Variants in NTNG2 observed in about 807,000 individuals in gnomAD.
NTNG2 encodes netrin G2.
Under a neutral mutation model 47.6 loss-of-function variants are expected in NTNG2, and 15 were observed. That is an observed-to-expected ratio of 0.32 (90% CI 0.21 to 0.49). The LOEUF (loss-of-function observed/expected upper bound fraction) is 0.49. NTNG2 is among the 20% of genes least tolerant of loss of function. The probability of loss-of-function intolerance (pLI) is 0.99; values close to 1 mark genes in which losing one functional copy is unlikely to be tolerated. For missense variants in NTNG2, 578 were observed against 764.6 expected, an observed-to-expected ratio of 0.76 and a Z score of 2.88; for synonymous variants, 307 against 324.6, an observed-to-expected ratio of 0.95 and a Z score of 0.58.
rs1238046147 is a variant in NTNG2 at position 132,226,844 on chromosome 9, C to T, written c.858-5C>T. The T allele has an allele frequency of 5.6e-6, 9 of 1,596,630 alleles. No individual in the cohort carries two copies. Among genetic ancestry groups the T allele is most frequent in the Non-Finnish European group, 6.0e-6 (7 of 1,171,298 alleles). ...GACATCTCTGCCCTCTCGGTGTCTC[C>T]CCAGGTGCAAGTGCAACCTGCACGC... On this transcript the variant is annotated splice_polypyrimidine_tract_variant and splice_region_variant and intron_variant, in intron 3 of 7. Coordinates refer to ENST00000393229, the MANE Select transcript of NTNG2 (RefSeq NM_032536.4). This position sits in a 1 kb window ranked among gnomAD's most constrained non-coding sequence, Gnocchi z 4.8.
Position 132,204,359 on chromosome 9 carries a change from G to C in NTNG2, c.857+5750G>C, listed in dbSNP as rs190355871. Among the ~76,000 whole-genome samples, 832 of 152,132 alleles carry C rather than the reference G, an allele frequency of 5.5e-3. 9 individuals carry two copies. Among genetic ancestry groups the C allele is most frequent in the African/African-American group, 0.019 (796 of 41,488 alleles). On this transcript the variant is annotated intron_variant, in intron 3 of 7. Coordinates refer to ENST00000393229, the MANE Select transcript of NTNG2 (RefSeq NM_032536.4). ...TGCCTTCTTGTTTTCTTCCATAAAC[G>C]TCCTGTCCCTATTGATCGCCCCGTA...
Position 132,163,629 on chromosome 9 carries a change from TC to T in NTNG2, c.-484+1396del, listed in dbSNP as rs1213017780. 6.6e-6 allele frequency among the ~76,000 whole-genome samples: 1 copy of T among 150,886 alleles called. No homozygotes were observed. Among genetic ancestry groups the T allele is most frequent in the African/African-American group, 2.4e-5 (1 of 40,952 alleles). On this transcript the variant is annotated intron_variant, in intron 1 of 7. Coordinates refer to ENST00000393229, the MANE Select transcript of NTNG2 (RefSeq NM_032536.4). The surrounding 1 kb of genome is among the most constrained non-coding windows in gnomAD (Gnocchi z 7.2). Reference sequence around the variant, plus strand: ...AGGGAACCCCGGGGTGGGCTGAGTATCCCCCCTAGCCCCGGGAGCCCCCAGC... The same window carrying T: ...AGGGAACCCCGGGGTGGGCTGAGTATCCCCCTAGCCCCGGGAGCCCCCAGC...
At chr9:132,177,132 A>G (rs925941613) in intron 2 of NTNG2, among the ~76,000 whole-genome samples, 2 of 152,162 alleles carry the variant, frequency 1.3e-5, no homozygotes, top group African/African-American at 4.8e-5. Context: ...GATTACAGGT[A>G]CACACCACCA....
In NTNG2 at chr9:132,208,380, T is replaced by C. The variant is rs1241139321; in HGVS notation, c.857+9771T>C. Among the ~76,000 whole-genome samples the C allele has an allele frequency of 2.0e-5, 3 of 151,912 alleles. No homozygotes were observed. The highest frequency in any genetic ancestry group is 4.4e-5 in the Non-Finnish European group (3 of 67,960). ...AGCCCCGGGAGGAAGTTGGTTTTGG[T>C]TGAAGTTTGGTAGGAGGGCTACAGG... is the stretch of plus-strand genomic sequence containing the variant. On this transcript the variant is annotated intron_variant, in intron 3 of 7. Transcript: ENST00000393229. The surrounding 1 kb of genome is among the most constrained non-coding windows in gnomAD (Gnocchi z 4.0).
chr9:132,219,294 T>C (rs1329943592), intron 3 of NTNG2, among the ~76,000 whole-genome samples: 1 of 151,710 alleles, frequency 6.6e-6, no homozygotes, highest in Non-Finnish European at 1.5e-5. Context: ...ACAAGATGGC[T>C]GGGCACGGTG....
intron 3 of NTNG2, among the ~76,000 whole-genome samples, chr9:132,204,889 A>C (rs1839054699): frequency 6.6e-6 from 1 of 152,314 alleles, no homozygotes; most frequent in African/African-American, 2.4e-5. Flanking sequence ...CAGCCTGGGC[A>C]ATATAGTGAG....
chr9:132,199,901 G>T (rs1208283251), intron 3 of NTNG2, among the ~76,000 whole-genome samples: 1 of 152,184 alleles, frequency 6.6e-6, no homozygotes, highest in Admixed American at 6.5e-5. Context: ...ACTGTCATAG[G>T]AGATGAAAGC....
At chr9:132,214,492 G>A (rs575108493) in intron 3 of NTNG2, among the ~76,000 whole-genome samples, 1 of 152,362 alleles carries the variant, frequency 6.6e-6, no homozygotes, top group South Asian at 2.1e-4. Flanking sequence ...CCCTGGAGGT[G>A]AGGCCCGGTG....
intron 3 of NTNG2, among the ~76,000 whole-genome samples, chr9:132,219,371 A>G (rs1383529550): frequency 3.3e-5 from 5 of 152,092 alleles, no homozygotes; most frequent in Non-Finnish European, 7.4e-5. Context: ...TCAGGAGTTT[A>G]AGATTAGCAT....
rs556824326 is a variant in NTNG2, at chr9:132,221,142, G to A, written c.858-5707G>A. ...TAGCAGGGGCTGATTTGAGGTAGGG[G>A]TTGTGAAAGGCCTCCCCAAAGAAGT... On this transcript the variant is annotated intron_variant, in intron 3 of 7. Coordinates refer to ENST00000393229, the MANE Select transcript of NTNG2 (RefSeq NM_032536.4). This position sits in a 1 kb window ranked among gnomAD's most constrained non-coding sequence, Gnocchi z 4.2. Among the ~76,000 whole-genome samples the A allele has an allele frequency of 6.6e-6, 1 of 152,160 alleles. No individual in the cohort carries two copies. The highest frequency in any genetic ancestry group is 1.5e-5 in the Non-Finnish European group (1 of 68,042).
chr9:132,186,259 G>A (rs569571148), intron 2 of NTNG2, among the ~76,000 whole-genome samples: 35 of 152,292 alleles, frequency 2.3e-4, no homozygotes, highest in Admixed American at 2.1e-3. Flanking sequence ...TCTGTCAGTC[G>A]CCTGTGGGGT....
chr9:132,211,501 C>T (rs994228860), intron 3 of NTNG2, among the ~76,000 whole-genome samples: 1 of 152,268 alleles, frequency 6.6e-6, no homozygotes, highest in Middle Eastern at 3.4e-3. Flanking sequence ...CACAGACTTT[C>T]CCTCTCACCT....
rs1199246893 is a variant in NTNG2 at position 132,216,381 on chromosome 9, C to CCTCTCTCTCT, written c.858-10443_858-10434dup. ...GGTAAGAATCTGGCTGCTGACTCAG[C>CCTCTCTCTCT]CTCTCTCTCTCTCTCTCTCTCTCTC... On this transcript the variant is annotated intron_variant, in intron 3 of 7. Transcript: ENST00000393229. Among the ~76,000 whole-genome samples the CCTCTCTCTCT allele has an allele frequency of 5.3e-4, 64 of 120,914 alleles. 3 individuals carry two copies. The highest frequency in any genetic ancestry group is 1.9e-3 in the African/African-American group (49 of 26,200). The allele number at this position is 120,914 out of a possible 152,430, so 79.3% of individuals were successfully genotyped here. A position where few individuals can be genotyped will look rare whatever the true frequency, so the allele number is the denominator to read the frequency against.
intron 3 of NTNG2, among the ~76,000 whole-genome samples, chr9:132,199,252 G>A (rs1044037771): frequency 3.9e-5 from 6 of 152,170 alleles, no homozygotes; most frequent in East Asian, 1.9e-4. Flanking sequence ...CACTGACTCA[G>A]TGAATGGGCT....
In NTNG2 at chr9:132,162,280, G is replaced by C; in HGVS notation, c.-484+41G>C. 6.6e-6 allele frequency: 1 copy of C among 152,188 alleles called. No individual in the cohort carries two copies. Among genetic ancestry groups the C allele is most frequent in the East Asian group, 1.9e-4 (1 of 5,178 alleles). The allele number at this position is 152,188 out of a possible 1,614,324, so 9.4% of individuals were successfully genotyped here. ...AGAGCCCGGGAGGCGGGCGGGGGGA[G>C]AGGCTGCAGCTTGGCCAGGCCGGTT... On this transcript the variant is annotated intron_variant, in intron 1 of 7. Transcript: ENST00000393229. This position sits in a 1 kb window ranked among gnomAD's most constrained non-coding sequence, Gnocchi z 4.6.
At chr9:132,206,767 G>A (rs1408768456) in intron 3 of NTNG2, among the ~76,000 whole-genome samples, 2 of 152,278 alleles carry the variant, frequency 1.3e-5, no homozygotes, top group Non-Finnish European at 2.9e-5. Flanking sequence ...ACCTTCAACT[G>A]CATCTCCCAG....
At chr9:132,241,319 C>T (rs1841971896) in intron 7 of NTNG2, 2 of 483,402 alleles carry the variant, frequency 4.1e-6, no homozygotes, top group South Asian at 2.6e-5. Context: ...ATGGGGCCGA[C>T]CCGGGGGCGG....
chr9:132,162,918 G>T lies in NTNG2; in HGVS notation c.-484+679G>T, dbSNP rs1835186268. Among the ~76,000 whole-genome samples, 1 of 152,138 alleles carries T rather than the reference G, an allele frequency of 6.6e-6. No individual in the cohort carries two copies. Among genetic ancestry groups the T allele is most frequent in the Non-Finnish European group, 1.5e-5 (1 of 68,028 alleles). On this transcript the variant is annotated intron_variant, in intron 1 of 7. Transcript: ENST00000393229. This position sits in a 1 kb window ranked among gnomAD's most constrained non-coding sequence, Gnocchi z 4.6. ...GCGGCGCGCAGGTGGGGGGAGCAGA[G>T]GCGGCGGGAAGGCGGGAAGAGAGGA...
chr9:132,173,016 A>G (rs1836049433), intron 2 of NTNG2, among the ~76,000 whole-genome samples: 1 of 152,130 alleles, frequency 6.6e-6, no homozygotes, highest in African/African-American at 2.4e-5. Context: ...GGAGTGAGCC[A>G]CTGCACTTGG....
Sources: gnomAD v4.1 joint callset for allele counts (sites outside exome capture counted in the v4.1 genomes callset) on GRCh38, gnomAD v4.1.1 for gene constraint, Gnocchi (gnomAD v3.1) non-coding constraint, MANE v1.5 for transcripts, NCBI Gene and HGNC (gene_info 2026-07-23, HGNC 2026-07-21) for gene names.